Variants in LRRFIP1 observed in about 807,000 individuals in gnomAD.
The protein encoded by LRRFIP1 is leucine-rich repeat flightless-interacting protein 1.
A neutral mutation model predicts 104.4 loss-of-function variants in LRRFIP1; 62 were observed. The observed-to-expected ratio is 0.59, with a 90% CI of 0.48 to 0.73. The LOEUF is 0.73. Ranked by LOEUF, LRRFIP1 falls within the 30% of genes least tolerant of loss-of-function variation. LRRFIP1 has a pLI of 0.00. For synonymous variants in LRRFIP1, 300 were observed against 299.0 expected, an observed-to-expected ratio of 1.00 and a Z score of -0.03; for missense variants, 796 against 824.5, an observed-to-expected ratio of 0.97 and a Z score of 0.42.
At chr2:237,693,413 G>A (rs534634677) in intron 1 of LRRFIP1, among the ~76,000 whole-genome samples, 1 of 152,326 alleles carries the variant, frequency 6.6e-6, no homozygotes, top group Non-Finnish European at 1.5e-5. Flanking sequence ...ATGCCAGAGA[G>A]AGGTGTAGAA....
chr2:237,728,605 A>T lies in LRRFIP1; in HGVS notation c.444+670A>T, dbSNP rs373152181. 1.2e-4 allele frequency among the ~76,000 whole-genome samples: 19 copies of T among 152,230 alleles called. 1 individual carries two copies. Among genetic ancestry groups the T allele is most frequent in the African/African-American group, 3.9e-4 (16 of 41,532 alleles). Reference sequence around the variant, plus strand: ...GATTTTAGAAGGTTACACTGGATACATTTCCATTAAGCTTCACGATATCCC... The same window carrying T: ...GATTTTAGAAGGTTACACTGGATACTTTTCCATTAAGCTTCACGATATCCC... On this transcript the variant is annotated intron_variant, in intron 8 of 23. Transcript: ENST00000308482.
chr2:237,719,331 C>T (rs2094456003), intron 4 of LRRFIP1, among the ~76,000 whole-genome samples, 192 bp from the exon 5 acceptor site: 1 of 152,104 alleles, frequency 6.6e-6, no homozygotes, highest in African/African-American at 2.4e-5. Context: ...TTAAGAACCT[C>T]CCACCCCAGA....
At chr2:237,666,729 T>A (rs1046633494) in intron 1 of LRRFIP1, among the ~76,000 whole-genome samples, 1 of 127,406 alleles carries the variant, frequency 7.8e-6, no homozygotes, top group Admixed American at 8.3e-5. Context: ...CTTTCTTTCT[T>A]TTGTTCTTTC....
intron 1 of LRRFIP1, among the ~76,000 whole-genome samples, chr2:237,639,941 G>A (rs1298420545): frequency 6.6e-6 from 1 of 152,098 alleles, no homozygotes; most frequent in Non-Finnish European, 1.5e-5. Context: ...ATTGTCAAAT[G>A]GCCCATGGGG....
At chr2:237,757,959 C>T (rs1394064961) in intron 17 of LRRFIP1, among the ~76,000 whole-genome samples, 2 of 151,862 alleles carry the variant, frequency 1.3e-5, no homozygotes, top group African/African-American at 4.8e-5. Flanking sequence ...GATATCCCCA[C>T]TTTGAAATCT....
At chr2:237,774,082 A>C (rs1251500696) in intron 22 of LRRFIP1, 3 of 394,916 alleles carry the variant, frequency 7.6e-6, no homozygotes, top group African/African-American at 2.0e-5. Context: ...GCGGGAGAAG[A>C]AGCAGGCAGC....
At chr2:237,674,992 C>G (rs1290705390) in intron 1 of LRRFIP1, among the ~76,000 whole-genome samples, 2 of 152,354 alleles carry the variant, frequency 1.3e-5, no homozygotes, top group East Asian at 3.9e-4. Context: ...AGGAGGGAGC[C>G]CGGAGCACGC....
At chr2:237,669,830 G>A (rs570402099) in intron 1 of LRRFIP1, among the ~76,000 whole-genome samples, 1 of 152,320 alleles carries the variant, frequency 6.6e-6, no homozygotes. Context: ...AACAGTGGCT[G>A]AGTAGCAGAA....
chr2:237,716,176 A>C (rs1468145421), intron 3 of LRRFIP1, among the ~76,000 whole-genome samples: 2 of 152,210 alleles, frequency 1.3e-5, no homozygotes, highest in East Asian at 1.9e-4. Flanking sequence ...ATAAGGGAGG[A>C]GTGATGGCAT....
At chr2:237,652,446 A>T (rs1296293819) in intron 1 of LRRFIP1, among the ~76,000 whole-genome samples, 1 of 152,220 alleles carries the variant, frequency 6.6e-6, no homozygotes, top group Non-Finnish European at 1.5e-5. Flanking sequence ...TGCCAAATGG[A>T]TATAAAGGTT....
intron 1 of LRRFIP1, among the ~76,000 whole-genome samples, chr2:237,629,094 G>T (rs2081987684): frequency 6.6e-6 from 1 of 152,194 alleles, no homozygotes; most frequent in Admixed American, 6.5e-5. Flanking sequence ...TTGTCCACCT[G>T]TAGAAGGTGA....
chr2:237,749,399 AGTT>A (rs2058294631), intron 13 of LRRFIP1, 75 bp downstream of exon 13: 3 of 1,448,998 alleles, frequency 2.1e-6, no homozygotes, highest in Non-Finnish European at 2.8e-6. Context: ...AAAAAAAAAA[AGTT>A]AATTCATAAA....
chr2:237,642,292 T>G (rs528692349), intron 1 of LRRFIP1, among the ~76,000 whole-genome samples: 1 of 152,342 alleles, frequency 6.6e-6, no homozygotes, highest in Admixed American at 6.5e-5. Flanking sequence ...GAGGCCTGGC[T>G]TCTGTCCCCA....
chr2:237,730,224 T>C (rs2094939010), intron 8 of LRRFIP1, among the ~76,000 whole-genome samples: 1 of 152,268 alleles, frequency 6.6e-6, no homozygotes, highest in Admixed American at 6.5e-5. Flanking sequence ...GCAAACTTTG[T>C]GGTGGTTTCT....
At chr2:237,687,932 G>A (rs1367022426) in intron 1 of LRRFIP1, among the ~76,000 whole-genome samples, 1 of 152,202 alleles carries the variant, frequency 6.6e-6, no homozygotes, top group Non-Finnish European at 1.5e-5. Context: ...ACACCATGGA[G>A]ACAAAGTAAA....
rs552565016 is a variant in LRRFIP1 at position 237,636,180 on chromosome 2, C to G, written c.96+8440C>G. 2.5e-4 allele frequency among the ~76,000 whole-genome samples: 38 copies of G among 151,646 alleles called. No homozygotes were observed. The South Asian group carries it at 6.2e-3, about 25-fold the overall frequency. On this transcript the variant is annotated intron_variant, in intron 1 of 23. Transcript: ENST00000308482. The stretch of plus-strand genomic sequence containing the variant: ...TTATTCTCAGAATTCTGGATTTTTC[C>G]CCCACTTATTGAGCATTCATTGGGT...
intron 1 of LRRFIP1, among the ~76,000 whole-genome samples, chr2:237,676,964 TCTTCCTCC>T (rs2091242043): frequency 6.6e-6 from 1 of 152,252 alleles, no homozygotes; most frequent in Non-Finnish European, 1.5e-5. Context: ...CTGGCTTTCG[TCTTCCTCC>T]TTTTGTGATT....
chr2:237,686,591 G>A (rs539538692), intron 1 of LRRFIP1, among the ~76,000 whole-genome samples: 1 of 152,322 alleles, frequency 6.6e-6, no homozygotes, highest in Admixed American at 6.5e-5. Context: ...ACCTGGGGGT[G>A]GGGGCTGAGG....
At chr2:237,768,992 G>A (rs899969592) in intron 19 of LRRFIP1, 5 of 152,270 alleles carry the variant, frequency 3.3e-5, no homozygotes, top group African/African-American at 7.2e-5. Context: ...GAGTGTTCCC[G>A]TGGCTGGGCC....
Sources: allele counts gnomAD v4.1 joint callset (sites outside exome capture counted in the v4.1 genomes callset), GRCh38; gene constraint gnomAD v4.1.1; transcripts MANE v1.5; gene names NCBI Gene and HGNC (gene_info 2026-07-23, HGNC 2026-07-21).